The following INPP1 variants were observed in gnomAD, a reference collection of about 807,000 sequenced individuals.
The protein encoded by INPP1 is inositol polyphosphate-1-phosphatase.
A neutral mutation model predicts 23.0 loss-of-function variants in INPP1; 18 were observed. The ratio of observed to expected loss-of-function variants is 0.78; its 90% CI spans 0.54 to 1.16. INPP1 has a LOEUF of 1.16. INPP1 is among the 50% of genes most tolerant of loss of function. The pLI, the probability that INPP1 is intolerant of heterozygous loss-of-function variation, is 0.00. For missense variants in INPP1, 448 were observed against 482.1 expected (o/e 0.93, Z 0.66); for synonymous variants, 164 against 176.3 (o/e 0.93, Z 0.55).
At position 190,360,187 on chromosome 2, in the gene INPP1, T is replaced by C. The variant is rs1189225743; in HGVS notation, c.85T>C (p.Phe29Leu). 6.2e-7 allele frequency: 1 copy of C among 1,614,184 alleles called. No individual in the cohort carries two copies. The highest frequency in any genetic ancestry group is 8.5e-7 in the Non-Finnish European group (1 of 1,180,034). ...GGCGTGCAGACAGCAGGAAGCCCTC[T>C]TCCAGCTGCTGATCGAAGAAAAGAA... ...ARACRQQEAL[F>L]QLLIEEKKEG... Residue 29 changes from phenylalanine to leucine, a missense_variant, in exon 3 of 7, where the codon TTC becomes CTC. Coordinates refer to ENST00000392329, the MANE Select transcript of INPP1 (RefSeq NM_001128928.2).
Position 190,345,780 on chromosome 2 carries a change from G to A in INPP1, c.-209+1819G>A, listed in dbSNP as rs1689203901. Among the ~76,000 whole-genome samples, 1 of 152,206 alleles carries A rather than the reference G, an allele frequency of 6.6e-6. No individual in the cohort carries two copies. Among genetic ancestry groups the A allele is most frequent in the Non-Finnish European group, 1.5e-5 (1 of 68,036 alleles). On this transcript the variant is annotated intron_variant, in intron 1 of 6. Coordinates refer to ENST00000392329, the MANE Select transcript of INPP1 (RefSeq NM_001128928.2). This position sits in a 1 kb window ranked among gnomAD's most constrained non-coding sequence, Gnocchi z 4.9. ...AGGCCAAGGCAGGTGGATCACTTGA[G>A]GTTAGGAGTTCGAGACCAGCCTGGC...
intron 6 of INPP1, 73 bp downstream of exon 6, chr2:190,369,350 T>G: frequency 1.3e-6 from 1 of 775,296 alleles, no homozygotes; most frequent in Non-Finnish European, 2.1e-6. Context: ...TTGTTAGGAT[T>G]ATCACTATAT....
intron 6 of INPP1, 24 bp from the exon 7 acceptor site, chr2:190,370,820 C>T (rs1236324316): frequency 2.0e-6 from 3 of 1,530,846 alleles, no homozygotes; most frequent in East Asian, 4.5e-5. Flanking sequence ...ATAATCATCA[C>T]CAATTGAAAT....
chr2:190,351,967 T>A (rs1689332076), intron 2 of INPP1, among the ~76,000 whole-genome samples: 1 of 152,214 alleles, frequency 6.6e-6, no homozygotes, highest in Non-Finnish European at 1.5e-5. Flanking sequence ...AAACTTGAAA[T>A]TTTCAGTCTT....
At chr2:190,353,032 G>A (rs1300717703) in intron 2 of INPP1, among the ~76,000 whole-genome samples, 3 of 152,172 alleles carry the variant, frequency 2.0e-5, no homozygotes, top group Admixed American at 6.5e-5. Context: ...ATTATCTGCC[G>A]GAAGAGGGAA....
intron 3 of INPP1, among the ~76,000 whole-genome samples, chr2:190,361,794 C>G (rs1395213384): frequency 6.6e-6 from 1 of 152,202 alleles, no homozygotes; most frequent in Non-Finnish European, 1.5e-5. Context: ...TTGATTTGTA[C>G]TGTCCCACAA....
rs181375748 is a variant in INPP1, at chr2:190,358,682, T to C, written c.-64-1357T>C. On this transcript the variant is annotated intron_variant, in intron 2 of 6. Transcript: ENST00000392329. ...CTTAACTATAAAACAGGGTTGATAA[T>C]ACAATAATTCTCATGAGATAGGAAT... Among the ~76,000 whole-genome samples the C allele has an allele frequency of 3.9e-5, 6 of 152,302 alleles. No individual in the cohort carries two copies. The East Asian group carries it at 7.7e-4, about 20-fold the overall frequency.
chr2:190,351,314 T>C (rs1689319843), intron 2 of INPP1, among the ~76,000 whole-genome samples: 1 of 152,262 alleles, frequency 6.6e-6, no homozygotes, highest in South Asian at 2.1e-4. Flanking sequence ...CTTTTGCACA[T>C]ACATTTTTAA....
chr2:190,366,557 C>T (rs187989925), intron 4 of INPP1, 138 bp from the exon 5 acceptor site: 260 of 684,066 alleles, frequency 3.8e-4, no homozygotes, highest in Non-Finnish European at 8.2e-5. Context: ...CGCTCTGTCT[C>T]GCTCTCTGTG....
Position 190,371,538 on chromosome 2 carries a change from GTAT to G in INPP1, c.*138_*140del. 1.8e-6 allele frequency: 1 copy of G among 551,354 alleles called. No homozygotes were observed. 34.2% of individuals were successfully genotyped at this position (551,354 alleles called of 1,614,324 possible). A position where few individuals can be genotyped will look rare whatever the true frequency, so the allele number is the denominator to read the frequency against. On this transcript the variant is annotated 3_prime_UTR_variant, in exon 7 of 7. Transcript: ENST00000392329. This position sits in a 1 kb window ranked among gnomAD's most constrained non-coding sequence, Gnocchi z 5.3. Reference sequence around the variant, plus strand: ...CTTTTGAGGAGTATTTTTCCATTATGTATTCATAATAATGTTAATTTCAATAAA... The same window carrying G: ...CTTTTGAGGAGTATTTTTCCATTATGTCATAATAATGTTAATTTCAATAAA...
chr2:190,344,054 C>T, intron 1 of INPP1, 93 bp downstream of exon 1: 1 of 326,964 alleles, frequency 3.1e-6, no homozygotes, highest in Non-Finnish European at 6.4e-6. Context: ...GTGAGCGGCG[C>T]GCGCCGTCGC....
intron 1 of INPP1, 57 bp downstream of exon 1, chr2:190,344,018 C>A: frequency 3.0e-6 from 1 of 336,502 alleles, no homozygotes. Flanking sequence ...CGCTGCCCCT[C>A]CTCCTTGGAT....
chr2:190,354,596 G>A lies in INPP1; in HGVS notation c.-64-5443G>A, dbSNP rs1689384262. Among the ~76,000 whole-genome samples, 1 of 152,236 alleles carries A rather than the reference G, an allele frequency of 6.6e-6. No individual in the cohort carries two copies. Among genetic ancestry groups the A allele is most frequent in the Admixed American group, 6.5e-5 (1 of 15,288 alleles). On this transcript the variant is annotated intron_variant, in intron 2 of 6. Transcript: ENST00000392329. The surrounding 1 kb of genome is among the most constrained non-coding windows in gnomAD (Gnocchi z 4.8). ...ATGAGAGGGGCCGTCTGTGAGCCAA[G>A]GAGCAAAGCCTCAGGAGAAACCAGT...
chr2:190,358,460 C>T (rs1338788197), intron 2 of INPP1, among the ~76,000 whole-genome samples: 3 of 152,144 alleles, frequency 2.0e-5, no homozygotes, highest in Admixed American at 6.5e-5. Flanking sequence ...TCAAGTGATC[C>T]GCCTGCCTCG....
At position 190,368,562 on chromosome 2, in the gene INPP1, A is replaced by G. The variant is rs954247700; in HGVS notation, c.467-541A>G. 4 of 152,224 alleles carry G rather than the reference A, an allele frequency of 2.6e-5. No homozygotes were observed. The highest frequency in any genetic ancestry group is 5.9e-5 in the Non-Finnish European group (4 of 68,046). 9.4% of individuals were successfully genotyped at this position (152,224 alleles called of 1,614,324 possible). On this transcript the variant is annotated intron_variant, in intron 5 of 6. Transcript: ENST00000392329. This position sits in a 1 kb window ranked among gnomAD's most constrained non-coding sequence, Gnocchi z 4.3. ...TTGACACAGGCACACAATGTGAGAT[A>G]AGCACATCATAGAGAATGGGGTATC...
At position 190,360,322 on chromosome 2, in the gene INPP1, GC is replaced by G. The variant is rs1444243172; in HGVS notation, c.204+18del. ...GGAGAACAAGGTAAGAAAGGTCATA[GC>G]CAAGGTAACTGCAAAATAGTTGCAT... On this transcript the variant is annotated intron_variant, in intron 3 of 6. Coordinates refer to ENST00000392329, the MANE Select transcript of INPP1 (RefSeq NM_001128928.2). 1.2e-6 allele frequency: 2 copies of G among 1,611,104 alleles called. No homozygotes were observed. Among genetic ancestry groups the G allele is most frequent in the East Asian group, 4.5e-5 (2 of 44,816 alleles).
chr2:190,360,358 T>C (rs1305560389), intron 3 of INPP1, 52 bp downstream of exon 3: 18 of 1,532,582 alleles, frequency 1.2e-5, no homozygotes, highest in Non-Finnish European at 1.5e-5. Flanking sequence ...TCTGTGGCTT[T>C]CTCCATCATA....
chr2:190,366,444 ACT>A (rs1464091761), intron 4 of INPP1, among the ~76,000 whole-genome samples: 1 of 70,008 alleles, frequency 1.4e-5, no homozygotes, highest in Non-Finnish European at 2.9e-5. Context: ...ACTCTGTCTC[ACT>A]CTCTCTGTCT....
intron 6 of INPP1, among the ~76,000 whole-genome samples, chr2:190,370,296 A>T (rs955676655): frequency 2.0e-5 from 3 of 152,224 alleles, no homozygotes; most frequent in Non-Finnish European, 2.9e-5. Flanking sequence ...AACAACATAG[A>T]CAGTAAGTTA....
Sources: gnomAD v4.1 joint callset for allele counts (sites outside exome capture counted in the v4.1 genomes callset) on GRCh38, gnomAD v4.1.1 for gene constraint, Gnocchi (gnomAD v3.1) non-coding constraint, MANE v1.5 for transcripts, NCBI Gene and HGNC (gene_info 2026-07-23, HGNC 2026-07-21) for gene names.